Variants in LARP1 observed in about 807,000 individuals in gnomAD.
The protein encoded by LARP1 is la-related protein 1.
A neutral mutation model predicts 122.7 loss-of-function variants in LARP1; 36 were observed. The ratio of observed to expected loss-of-function variants is 0.29; its 90% CI spans 0.22 to 0.39. The LOEUF is 0.39. Ranked by LOEUF, LARP1 falls within the 10% of genes least tolerant of loss-of-function variation. The pLI is 1.00. For missense variants in LARP1, 1,040 were observed against 1,403.6 expected (o/e 0.74, Z 4.14); for synonymous variants, 539 against 528.7 (o/e 1.02, Z -0.27).
intron 1 of LARP1, among the ~76,000 whole-genome samples, chr5:154,746,217 GA>G (rs1316706021): frequency 2.0e-5 from 3 of 152,224 alleles, no homozygotes; most frequent in Non-Finnish European, 4.4e-5. Context: ...TTCCCAGCGG[GA>G]GGGACCATGT....
chr5:154,731,248 A>AT (rs1334003605), intron 1 of LARP1, among the ~76,000 whole-genome samples: 4 of 152,238 alleles, frequency 2.6e-5, no homozygotes, highest in South Asian at 2.1e-4. Flanking sequence ...AAAAGAGTTG[A>AT]TATGGTTGAT....
At chr5:154,702,557 C>CAA (rs764120906) in intron 1 of LARP1, among the ~76,000 whole-genome samples, 14 of 125,776 alleles carry the variant, frequency 1.1e-4, no homozygotes, top group Admixed American at 1.6e-4. Flanking sequence ...ACTCCATCTC[C>CAA]AAAAAAAAAA....
intron 1 of LARP1, among the ~76,000 whole-genome samples, chr5:154,699,068 C>G (rs1754601178): frequency 6.6e-6 from 1 of 152,170 alleles, no homozygotes; most frequent in Non-Finnish European, 1.5e-5. Flanking sequence ...AAAAGGGCCC[C>G]TGGAGATCTC....
At chr5:154,754,529 A>C (rs567158606), upstream of LARP1, among the ~76,000 whole-genome samples, 26 of 152,340 alleles carry the variant, frequency 1.7e-4, no homozygotes, top group East Asian at 4.8e-3. Flanking sequence ...TAGAAAAAAA[A>C]CGACATCCAC....
intron 1 of LARP1, among the ~76,000 whole-genome samples, chr5:154,685,131 C>CT: frequency 6.6e-6 from 1 of 151,990 alleles, no homozygotes; most frequent in African/African-American, 2.4e-5. Context: ...GTAATCCCAG[C>CT]TACTAAGGAG....
At chr5:154,687,382 TTG>T (rs925514905) in intron 1 of LARP1, among the ~76,000 whole-genome samples, 2 of 152,100 alleles carry the variant, frequency 1.3e-5, no homozygotes, top group Non-Finnish European at 2.9e-5. Flanking sequence ...CTTTTGTGTG[TTG>T]TGTGTGTGTG....
In LARP1 at chr5:154,755,625, C is replaced by T. The variant is rs980566987; in HGVS notation, c.-133C>T. ...GGGAGGGGGCCGCACCTCGCGTGAA[C>T]CCCGACCCTTCTCTGCAGGGACTGG... is the stretch of plus-strand genomic sequence containing the variant. On this transcript the variant is annotated 5_prime_UTR_variant, in exon 1 of 19. Coordinates refer to ENST00000518297, the MANE Select transcript of LARP1 (RefSeq NM_033551.3). The T allele has an allele frequency of 3.8e-5, 38 of 987,320 alleles. No homozygotes were observed. Among genetic ancestry groups the T allele is most frequent in the Non-Finnish European group, 4.2e-5 (35 of 830,048 alleles). The allele number at this position is 987,320 out of a possible 1,614,324, so 61.2% of individuals were successfully genotyped here. A position where few individuals can be genotyped will look rare whatever the true frequency, so the allele number is the denominator to read the frequency against.
intron 1 of LARP1, among the ~76,000 whole-genome samples, chr5:154,762,633 A>G (rs1298962718): frequency 6.6e-6 from 1 of 152,142 alleles, no homozygotes; most frequent in African/African-American, 2.4e-5. Flanking sequence ...AGCTTGGTAG[A>G]TCTGTCATAT....
At chr5:154,780,499 A>G (rs557802563) in intron 1 of LARP1, among the ~76,000 whole-genome samples, 11 of 152,282 alleles carry the variant, frequency 7.2e-5, no homozygotes, top group Admixed American at 5.9e-4. Flanking sequence ...AGGAGCAGAT[A>G]TTGGCTTCCT....
At chr5:154,813,348 G>A (rs112256748) in intron 18 of LARP1, among the ~76,000 whole-genome samples, 2 of 152,300 alleles carry the variant, frequency 1.3e-5, no homozygotes, top group Admixed American at 6.5e-5. Flanking sequence ...TAAGACCTTT[G>A]TTAGTGGTAA....
At chr5:154,810,618 G>A (rs987470882) in intron 16 of LARP1, among the ~76,000 whole-genome samples, 1 of 151,890 alleles carries the variant, frequency 6.6e-6, no homozygotes, top group Non-Finnish European at 1.5e-5. Context: ...CTCCCGAGTA[G>A]CTGAGATTAC....
At chr5:154,707,805 C>T (rs371305285) in intron 1 of LARP1, among the ~76,000 whole-genome samples, 1 of 152,126 alleles carries the variant, frequency 6.6e-6, no homozygotes, top group South Asian at 2.1e-4. Context: ...CAGTCTACTC[C>T]GTAATCTTGT....
chr5:154,704,758 TA>T (rs1754870202), intron 1 of LARP1, among the ~76,000 whole-genome samples: 1 of 150,344 alleles, frequency 6.7e-6, no homozygotes, highest in East Asian at 2.0e-4. Context: ...AAAAAAGAGC[TA>T]CTATCCACAA....
Position 154,802,331 on chromosome 5 carries a change from G to A in LARP1, c.2041G>A (p.Asp681Asn). 1.2e-6 allele frequency: 2 copies of A among 1,614,166 alleles called. No homozygotes were observed. The highest frequency in any genetic ancestry group is 1.7e-6 in the Non-Finnish European group (2 of 1,180,012). Residue 681 changes from aspartate (D) to asparagine (N), a missense_variant, in exon 11 of 19, where the codon GAT becomes AAT. Physicochemically the swap from Asp to Asn is conservative, Grantham distance 23. This residue lies in a region of LARP1 where 362 missense variants were observed against 533.1 expected (regional missense o/e 0.68). Coordinates refer to ENST00000518297, the MANE Select transcript of LARP1 (RefSeq NM_033551.3). The surrounding 1 kb of genome is among the most constrained non-coding windows in gnomAD (Gnocchi z 5.1). ...MSAELAKVIN[D>N]GLFYYEQDLW... ...CGCCGAACTGGCCAAGGTCATTAAT[G>A]ATGGCCTCTTCTACTATGAGCAGGA... is the stretch of plus-strand genomic sequence containing the variant.
chr5:154,790,374 C>T lies in LARP1; in HGVS notation c.486C>T (p.Arg162=). 1 of 1,613,592 alleles carries T rather than the reference C, an allele frequency of 6.2e-7. No homozygotes were observed. The highest frequency in any genetic ancestry group is 8.5e-7 in the Non-Finnish European group (1 of 1,179,768). The change falls in exon 2 of 19, where the codon CGC becomes CGT. Residue 162 remains arginine, a synonymous_variant. Coordinates refer to ENST00000518297, the MANE Select transcript of LARP1 (RefSeq NM_033551.3). ...TGAGGGCAGCTGTTCCTAAACAGCG[C>T]AAAGGCAGCAAGGTAAAGAATAACA... ...KVVRAAVPKQ[R]KGSKVGDFGD...
At chr5:154,701,487 G>T (rs1320104845) in intron 1 of LARP1, among the ~76,000 whole-genome samples, 2 of 152,174 alleles carry the variant, frequency 1.3e-5, no homozygotes, top group African/African-American at 2.4e-5. Flanking sequence ...CATAGGGAAA[G>T]GTGGGCCCAT....
intron 1 of LARP1, among the ~76,000 whole-genome samples, chr5:154,777,131 C>G (rs1007243566): frequency 3.3e-5 from 5 of 152,162 alleles, no homozygotes; most frequent in Admixed American, 2.0e-4. Context: ...GGCTACAAAC[C>G]TGTGTAGCAT....
At chr5:154,788,934 A>C (rs1326326195) in intron 1 of LARP1, among the ~76,000 whole-genome samples, 4 of 152,158 alleles carry the variant, frequency 2.6e-5, no homozygotes, top group Non-Finnish European at 5.9e-5. Context: ...AACTTTAGCC[A>C]GGCGTAGTGG....
chr5:154,700,584 ATGT>A lies in LARP1; in HGVS notation c.-180+17557_-180+17559del, dbSNP rs771872596. Among the ~76,000 whole-genome samples the A allele has an allele frequency of 2.0e-5, 3 of 152,080 alleles. No homozygotes were observed. The South Asian group carries it at 6.2e-4, about 32-fold the overall frequency. On this transcript the variant is annotated intron_variant, in intron 1 of 18. Transcript: ENST00000687700. Reference sequence around the variant, plus strand: ...ATTATTTATCTAGATTACTGAGATGATGTTGTTGTTGTGGTTTGAGACAGGGTC... The same window carrying A: ...ATTATTTATCTAGATTACTGAGATGATGTTGTTGTGGTTTGAGACAGGGTC...
Sources: allele counts gnomAD v4.1 joint callset (sites outside exome capture counted in the v4.1 genomes callset), GRCh38; gene constraint gnomAD v4.1.1; regional missense constraint gnomAD v4.1.1; non-coding constraint Gnocchi (gnomAD v3.1); transcripts MANE v1.5; gene names NCBI Gene and HGNC (gene_info 2026-07-23, HGNC 2026-07-21).